TRIM8: variants seen among roughly 807,000 people sequenced by gnomAD.
TRIM8 encodes the protein E3 ubiquitin-protein ligase TRIM8.
TRIM8 carries 9 observed loss-of-function variants against 55.7 expected under a neutral mutation model. That is an observed-to-expected ratio of 0.16 (90% CI 0.10 to 0.28). TRIM8 has a LOEUF of 0.28. Ranked by LOEUF, TRIM8 falls within the 10% of genes least tolerant of loss-of-function variation. TRIM8 has a pLI of 1.00. For missense variants in TRIM8, 556 were observed against 736.4 expected (o/e 0.76, Z 2.83); for synonymous variants, 335 against 333.3 (o/e 1.01, Z -0.06).
In TRIM8 at chr10:102,656,988, C is replaced by T. The variant is rs935033065; in HGVS notation, c.1290C>T (p.Gly430=). ...CGCAGCACTTGGTGGCCCTGCCGGG[C>T]GGCGCCCAACCAGTGCACTCAAGCC... ...SSTQHLVALP[G]GAQPVHSSPV... The change falls in exon 6 of 6, where the codon GGC becomes GGT. Residue 430 remains glycine (G), a synonymous_variant. Coordinates refer to ENST00000643721, the MANE Select transcript of TRIM8 (RefSeq NM_030912.3). This position sits in a 1 kb window ranked among gnomAD's most constrained non-coding sequence, Gnocchi z 4.6. The T allele has an allele frequency of 6.2e-7, 1 of 1,612,378 alleles. No homozygotes were observed. The highest frequency in any genetic ancestry group is 8.5e-7 in the Non-Finnish European group (1 of 1,179,726).
At position 102,645,037 on chromosome 10, in the gene TRIM8, G is replaced by A; in HGVS notation, c.420G>A (p.Val140=). ...ACCTCCTGGTGGAGGCGGACGACGT[G>A]CGGGCCTGGAGCTGCCCGCAGCACA... ...RGHLLVEADD[V]RAWSCPQHNA... is the part of the protein sequence containing the mutation. The change falls in exon 1 of 6, where the codon GTG becomes GTA. Residue 140 remains valine (V), a synonymous_variant. Coordinates refer to ENST00000643721, the MANE Select transcript of TRIM8 (RefSeq NM_030912.3). 1 of 1,592,466 alleles carries A rather than the reference G, an allele frequency of 6.3e-7. No individual in the cohort carries two copies. Among genetic ancestry groups the A allele is most frequent in the Non-Finnish European group, 8.5e-7 (1 of 1,176,006 alleles).
At chr10:102,647,988 C>T (rs1370325806) in intron 1 of TRIM8, among the ~76,000 whole-genome samples, 1 of 152,216 alleles carries the variant, frequency 6.6e-6, no homozygotes, top group Admixed American at 6.5e-5. Flanking sequence ...CAGAATCAGG[C>T]CCAAGCAGGT....
chr10:102,656,124 A>T lies in TRIM8; in HGVS notation c.919A>T (p.Ile307Phe). 6.2e-7 allele frequency: 1 copy of T among 1,614,104 alleles called. No homozygotes were observed. Among genetic ancestry groups the T allele is most frequent in the Non-Finnish European group, 8.5e-7 (1 of 1,180,014 alleles). ...CCAACAGAACACCAAGTCTGTGAAA[A>T]TCCTGATGGACAGGTAAGCTGAGGG... is the stretch of plus-strand genomic sequence containing the variant. The part of the protein sequence containing the change: ...SFMKNTKSVK[I>F]LMDRTQTCTS... The change falls in exon 4 of 6, where the codon ATC becomes TTC. Residue 307 changes from isoleucine (I) to phenylalanine (F), a missense_variant. Physicochemically the swap from Ile to Phe is conservative, Grantham distance 21. Transcript: ENST00000643721. The surrounding 1 kb of genome is among the most constrained non-coding windows in gnomAD (Gnocchi z 4.6).
intron 1 of TRIM8, chr10:102,653,837 C>A (rs1244093270): frequency 6.6e-6 from 1 of 152,196 alleles, no homozygotes; most frequent in African/African-American, 2.4e-5. Flanking sequence ...GGGAATTTGA[C>A]CCCCTGCATC....
chr10:102,655,788 C>A (rs892366087), intron 3 of TRIM8, among the ~76,000 whole-genome samples: 1 of 152,174 alleles, frequency 6.6e-6, no homozygotes, highest in African/African-American at 2.4e-5. Context: ...CCAAAAAATT[C>A]CAAATTCCAA....
Position 102,656,406 on chromosome 10 carries a change from C to A in TRIM8, c.1048+21C>A. 6.3e-7 allele frequency: 1 copy of A among 1,598,790 alleles called. No homozygotes were observed. On this transcript the variant is annotated intron_variant, in intron 5 of 5. Transcript: ENST00000643721. This position sits in a 1 kb window ranked among gnomAD's most constrained non-coding sequence, Gnocchi z 4.6. ...AGAAGGTGAGGGTGGGGTGTTCCGC[C>A]GAAGGGAGACAGGGACCTTTGGGGA...
Position 102,657,496 on chromosome 10 carries a change from T to TA in TRIM8, c.*142_*143insA. The TA allele has an allele frequency of 8.8e-7, 1 of 1,133,104 alleles. No individual in the cohort carries two copies. The highest frequency in any genetic ancestry group is 1.2e-6 in the Non-Finnish European group (1 of 831,900). 70.2% of individuals were successfully genotyped at this position (1,133,104 alleles called of 1,614,324 possible). ...TGCCCCAGGTCTTTTCCTTTTGGAT[T>TA]TTGTTTTGGTTTTGGCTTTGTTTTT... On this transcript the variant is annotated 3_prime_UTR_variant, in exon 6 of 6. Transcript: ENST00000643721.
intron 2 of TRIM8, 65 bp from the exon 3 acceptor site, chr10:102,655,015 A>G (rs971513690): frequency 1.3e-5 from 21 of 1,559,888 alleles, no homozygotes; most frequent in African/African-American, 2.7e-5. Context: ...GAAGGGTAAG[A>G]GGGGGGGAAA....
chr10:102,646,302 C>T (rs1276198463), intron 1 of TRIM8, among the ~76,000 whole-genome samples: 1 of 152,108 alleles, frequency 6.6e-6, no homozygotes, highest in Non-Finnish European at 1.5e-5. Context: ...GGCCTGGGGC[C>T]TGGGTGTGAT....
intron 1 of TRIM8, among the ~76,000 whole-genome samples, chr10:102,651,184 C>G (rs1457192885): frequency 1.3e-5 from 2 of 152,204 alleles, no homozygotes; most frequent in Admixed American, 1.3e-4. Context: ...GAAATGAAAC[C>G]CTCCCACCTG....
rs2064027665 is a variant in TRIM8 at position 102,656,667 on chromosome 10, C to T, written c.1049-80C>T. On this transcript the variant is annotated intron_variant, in intron 5 of 5. Transcript: ENST00000643721. The surrounding 1 kb of genome is among the most constrained non-coding windows in gnomAD (Gnocchi z 4.6). Reference sequence around the variant, plus strand: ...TCTTGGGCCTCTAGGTGTCAATGGTCCCCAGGTCCAACCCAGGGAGAGGAG... The same window carrying T: ...TCTTGGGCCTCTAGGTGTCAATGGTTCCCAGGTCCAACCCAGGGAGAGGAG... The T allele has an allele frequency of 3.3e-6, 5 of 1,504,694 alleles. No homozygotes were observed. The Admixed American group carries it at 7.0e-5, about 21-fold the overall frequency. 93.2% of individuals were successfully genotyped at this position (1,504,694 alleles called of 1,614,324 possible).
chr10:102,657,581 C>A lies in TRIM8; in HGVS notation c.*227C>A. On this transcript the variant is annotated 3_prime_UTR_variant, in exon 6 of 6. Transcript: ENST00000643721. ...GGTGACAGTGGGAGCTGGCCTGGGCCAGGACGGCAGGTGGCCCTGGAGATG... is the reference window on the plus strand; with the variant it reads ...GGTGACAGTGGGAGCTGGCCTGGGCAAGGACGGCAGGTGGCCCTGGAGATG... The A allele has an allele frequency of 1.9e-6, 1 of 514,516 alleles. No individual in the cohort carries two copies. The highest frequency in any genetic ancestry group is 3.4e-5 in the East Asian group (1 of 29,310). The allele number at this position is 514,516 out of a possible 1,614,324, so 31.9% of individuals were successfully genotyped here.
At chr10:102,650,031 C>CCTGCCCTGCCCCTCT (rs1301913164) in intron 1 of TRIM8, among the ~76,000 whole-genome samples, 1 of 152,096 alleles carries the variant, frequency 6.6e-6, no homozygotes, top group East Asian at 1.9e-4. Context: ...CTTGCCCCTC[C>CCTGCCCTGCCCCTCT]CACCACCACA....
At chr10:102,647,207 C>T (rs912226588) in intron 1 of TRIM8, among the ~76,000 whole-genome samples, 6 of 152,116 alleles carry the variant, frequency 3.9e-5, no homozygotes, top group Non-Finnish European at 8.8e-5. Flanking sequence ...TGAACTTTGT[C>T]GGCAACTCCG....
At position 102,657,820 on chromosome 10, in the gene TRIM8, T is replaced by A. The variant is rs911936403; in HGVS notation, c.*466T>A. The A allele has an allele frequency of 6.4e-6, 1 of 156,282 alleles. No homozygotes were observed. Among genetic ancestry groups the A allele is most frequent in the Non-Finnish European group, 1.4e-5 (1 of 70,942 alleles). The allele number at this position is 156,282 out of a possible 1,614,324, so 9.7% of individuals were successfully genotyped here. A position where few individuals can be genotyped will look rare whatever the true frequency, so the allele number is the denominator to read the frequency against. ...TTGGGCAGTTTGATCACTGATCGAGTAAGGAATGACCTTTAGATTGTGCGA... is the reference window on the plus strand; with the variant it reads ...TTGGGCAGTTTGATCACTGATCGAGAAAGGAATGACCTTTAGATTGTGCGA... On this transcript the variant is annotated 3_prime_UTR_variant, in exon 6 of 6. Transcript: ENST00000643721.
chr10:102,651,084 C>T (rs2063980797), intron 1 of TRIM8, among the ~76,000 whole-genome samples: 1 of 152,196 alleles, frequency 6.6e-6, no homozygotes, highest in African/African-American at 2.4e-5. Flanking sequence ...CCCTGGCTGG[C>T]ACCCCCTGGC....
rs531707518 is a variant in TRIM8, at chr10:102,658,059, A to C, written c.*705A>C. The C allele has an allele frequency of 2.0e-5, 3 of 152,408 alleles. No individual in the cohort carries two copies. The South Asian group carries it at 6.2e-4, about 32-fold the overall frequency. 9.4% of individuals were successfully genotyped at this position (152,408 alleles called of 1,614,324 possible). ...ATGATAGTGACCACAGCAAAAGCAA[A>C]TAATAATAATATTAATAATAATAAA... On this transcript the variant is annotated 3_prime_UTR_variant, in exon 6 of 6. Coordinates refer to ENST00000643721, the MANE Select transcript of TRIM8 (RefSeq NM_030912.3).
In TRIM8 at chr10:102,655,117, A is replaced by G. The variant is rs1357677081; in HGVS notation, c.704A>G (p.Gln235Arg). 6.2e-7 allele frequency: 1 copy of G among 1,612,796 alleles called. No homozygotes were observed. The highest frequency in any genetic ancestry group is 8.5e-7 in the Non-Finnish European group (1 of 1,179,602). The change falls in exon 3 of 6, where the codon CAG becomes CGG. Residue 235 changes from glutamine to arginine, a missense_variant. Gln to Arg is a conservative substitution (Grantham distance 43). Around this residue, in one of 2 missense-constraint regions of TRIM8, gnomAD observed 391 missense variants for 441.0 expected, o/e 0.89. Transcript: ENST00000643721. ...VNQLKEEVRL[Q>R]YEKLHQLLDE... The stretch of plus-strand genomic sequence containing the variant: ...CAACTGAAGGAGGAAGTTCGGCTGC[A>G]GTACGAGAAGCTGCACCAGCTGCTG...
intron 1 of TRIM8, among the ~76,000 whole-genome samples, chr10:102,652,606 T>A (rs1417794349): frequency 6.6e-6 from 1 of 152,066 alleles, no homozygotes; most frequent in Non-Finnish European, 1.5e-5. Context: ...CAGCAGCAAA[T>A]CCCCATTCTT....
Sources: allele counts gnomAD v4.1 joint callset (sites outside exome capture counted in the v4.1 genomes callset), GRCh38; gene constraint gnomAD v4.1.1; regional missense constraint gnomAD v4.1.1; non-coding constraint Gnocchi (gnomAD v3.1); transcripts MANE v1.5; gene names NCBI Gene and HGNC (gene_info 2026-07-23, HGNC 2026-07-21).